Variants in PDGFC observed in about 807,000 individuals in gnomAD.
The protein encoded by PDGFC is platelet derived growth factor C, also known as platelet-derived growth factor C.
In PDGFC, 12 loss-of-function variants were observed where a neutral mutation model predicts 35.5. The ratio of observed to expected loss-of-function variants is 0.34; its 90% CI spans 0.22 to 0.55. The LOEUF is 0.55. PDGFC is among the 20% of genes least tolerant of loss of function. PDGFC has a pLI of 0.91. For synonymous variants in PDGFC, 159 were observed against 148.8 expected (o/e 1.07, Z -0.50); for missense variants, 322 against 412.4 (o/e 0.78, Z 1.90).
chr4:156,927,749 C>T (rs1378201726), intron 1 of PDGFC, among the ~76,000 whole-genome samples: 3 of 152,160 alleles, frequency 2.0e-5, no homozygotes, highest in Non-Finnish European at 4.4e-5. Context: ...GCCATATTTT[C>T]CTACCTTCTT....
chr4:156,903,114 T>A (rs1261764132), intron 1 of PDGFC, among the ~76,000 whole-genome samples: 4 of 138,060 alleles, frequency 2.9e-5, no homozygotes, highest in Non-Finnish European at 6.5e-5. Flanking sequence ...AGTGTGTGTG[T>A]GTGTGTGTGT....
At chr4:156,808,872 T>G (rs1003739274) in intron 3 of PDGFC, among the ~76,000 whole-genome samples, 1 of 152,050 alleles carries the variant, frequency 6.6e-6, no homozygotes, top group Non-Finnish European at 1.5e-5. Flanking sequence ...AATGGCAGGT[T>G]AATTGTCAAC....
intron 1 of PDGFC, among the ~76,000 whole-genome samples, chr4:156,925,639 A>T (rs1731391025): frequency 2.0e-5 from 3 of 152,076 alleles, no homozygotes; most frequent in African/African-American, 4.8e-5. Context: ...GGAATTAGAG[A>T]GAAACATCAG....
chr4:156,767,820 T>C lies in PDGFC; in HGVS notation c.874A>G (p.Asn292Asp). ...TTGCTTGGGACACATTGACATTCATTGCAATTGTGGAGACAACAGGCACAG... is the reference window on the plus strand; with the variant it reads ...TTGCTTGGGACACATTGACATTCATCGCAATTGTGGAGACAACAGGCACAG... ...GNCACCLHNCNECQCVPSKVT... is the reference protein window; with the variant it reads ...GNCACCLHNCDECQCVPSKVT... The change falls in exon 5 of 6, where the codon AAT becomes GAT. Residue 292 changes from asparagine (N) to aspartate (D), a missense_variant. Asn to Asp is a conservative substitution (Grantham distance 23). This residue lies in a region of PDGFC where 202 missense variants were observed against 295.9 expected (regional missense o/e 0.68). Coordinates refer to ENST00000502773, the MANE Select transcript of PDGFC (RefSeq NM_016205.3). 1 of 1,613,366 alleles carries C rather than the reference T, an allele frequency of 6.2e-7. No homozygotes were observed.
chr4:156,961,320 A>C (rs2110971543), intron 1 of PDGFC, among the ~76,000 whole-genome samples: 1 of 152,266 alleles, frequency 6.6e-6, no homozygotes, highest in South Asian at 2.1e-4. Flanking sequence ...ACAGGAGATA[A>C]GTACCACGTA....
At chr4:156,808,572 A>G (rs1731835794) in intron 3 of PDGFC, among the ~76,000 whole-genome samples, 3 of 151,954 alleles carry the variant, frequency 2.0e-5, no homozygotes, top group South Asian at 2.1e-4. Flanking sequence ...CAGGAGGCAC[A>G]CTTTCTTGCT....
chr4:156,832,916 A>C (rs527810856), intron 2 of PDGFC, among the ~76,000 whole-genome samples: 1 of 152,210 alleles, frequency 6.6e-6, no homozygotes, highest in Non-Finnish European at 1.5e-5. Context: ...TTTTCAGTTA[A>C]ATGTAATCCA....
intron 1 of PDGFC, among the ~76,000 whole-genome samples, chr4:156,954,619 A>G (rs1310339679): frequency 6.6e-6 from 1 of 152,034 alleles, no homozygotes; most frequent in Non-Finnish European, 1.5e-5. Context: ...AGTTTCCTGG[A>G]AATGATACAT....
intron 1 of PDGFC, among the ~76,000 whole-genome samples, chr4:156,860,577 T>C (rs1020863538): frequency 2.0e-5 from 3 of 151,790 alleles, no homozygotes; most frequent in Non-Finnish European, 2.9e-5. Flanking sequence ...AGAAAACTAA[T>C]TGGGAAAAAA....
chr4:156,854,464 G>A (rs572415519), intron 1 of PDGFC, among the ~76,000 whole-genome samples: 14 of 151,842 alleles, frequency 9.2e-5, no homozygotes, highest in African/African-American at 3.4e-4. Context: ...CTTATTTGTG[G>A]TTAAAAAAAA....
At chr4:156,816,904 T>C (rs1732102342) in intron 2 of PDGFC, among the ~76,000 whole-genome samples, 1 of 152,210 alleles carries the variant, frequency 6.6e-6, no homozygotes, top group African/African-American at 2.4e-5. Flanking sequence ...TGTGGTAATT[T>C]AGGCCTATAA....
chr4:156,878,791 TTCATATAG>T (rs888535811), intron 1 of PDGFC, among the ~76,000 whole-genome samples: 1 of 152,180 alleles, frequency 6.6e-6, no homozygotes, highest in African/African-American at 2.4e-5. Context: ...TTACAGATTC[TTCATATAG>T]TCTATAAGCT....
chr4:156,937,708 A>C (rs1162418193), intron 1 of PDGFC, among the ~76,000 whole-genome samples: 1 of 152,160 alleles, frequency 6.6e-6, no homozygotes, highest in Non-Finnish European at 1.5e-5. Flanking sequence ...TAAATAAATA[A>C]ATAAGAAAGG....
At chr4:156,849,285 C>T (rs1309647671) in intron 2 of PDGFC, among the ~76,000 whole-genome samples, 2 of 151,898 alleles carry the variant, frequency 1.3e-5, no homozygotes, top group Non-Finnish European at 2.9e-5. Context: ...AATGCACAGT[C>T]ACAGAAAGAA....
intron 1 of PDGFC, among the ~76,000 whole-genome samples, chr4:156,853,777 C>T (rs1729508124): frequency 6.6e-6 from 1 of 152,040 alleles, no homozygotes; most frequent in African/African-American, 2.4e-5. Context: ...GCTTGGGCAA[C>T]ATGGTGAAAC....
intron 3 of PDGFC, among the ~76,000 whole-genome samples, chr4:156,776,096 AG>A (rs1225690918): frequency 2.6e-5 from 4 of 152,140 alleles, no homozygotes; most frequent in Admixed American, 6.6e-5. Context: ...TCAGAGAGAA[AG>A]GGGGGAGCAA....
At chr4:156,775,693 C>T (rs1310112581) in intron 3 of PDGFC, among the ~76,000 whole-genome samples, 4 of 152,148 alleles carry the variant, frequency 2.6e-5, no homozygotes. Flanking sequence ...ACAAAAGATG[C>T]ACACCTTAGG....
At chr4:156,885,465 G>T (rs1175275427) in intron 1 of PDGFC, among the ~76,000 whole-genome samples, 2 of 152,150 alleles carry the variant, frequency 1.3e-5, no homozygotes, top group Non-Finnish European at 2.9e-5. Context: ...CCCTTTAAAA[G>T]CAGCATATAT....
chr4:156,970,977 C>A lies in PDGFC; in HGVS notation c.-74G>T. 1 of 939,218 alleles carries A rather than the reference C, an allele frequency of 1.1e-6. No homozygotes were observed. The highest frequency in any genetic ancestry group is 1.4e-5 in the South Asian group (1 of 72,786). The allele number at this position is 939,218 out of a possible 1,614,324, so 58.2% of individuals were successfully genotyped here. On this transcript the variant is annotated 5_prime_UTR_variant, in exon 1 of 6. Coordinates refer to ENST00000502773, the MANE Select transcript of PDGFC (RefSeq NM_016205.3). ...GCGACTCCCGAGTCTCTTTCACCACCGCCAGGGGAAGGCTGCACTGGGGTG... is the reference window on the plus strand; with the variant it reads ...GCGACTCCCGAGTCTCTTTCACCACAGCCAGGGGAAGGCTGCACTGGGGTG...
Sources: gnomAD v4.1 joint callset for allele counts (sites outside exome capture counted in the v4.1 genomes callset) on GRCh38, gnomAD v4.1.1 for gene constraint, gnomAD v4.1.1 regional missense constraint, MANE v1.5 for transcripts, NCBI Gene and HGNC (gene_info 2026-07-23, HGNC 2026-07-21) for gene names.